Variants in HDAC9 observed in about 807,000 individuals in gnomAD.
The protein encoded by HDAC9 is histone deacetylase 9, also known as MEF-2 interacting transcription repressor (MITR) protein.
HDAC9 carries 41 observed loss-of-function variants against 139.4 expected under a neutral mutation model. That is an observed-to-expected ratio of 0.29 (90% confidence interval 0.23 to 0.38). HDAC9 has a LOEUF of 0.38. Among genes scored for constraint, HDAC9 ranks in the 10% least tolerant of loss-of-function variants. The pLI, the probability that HDAC9 is intolerant of heterozygous loss-of-function variation, is 1.00. For missense variants in HDAC9, 1,147 were observed against 1,297.0 expected, an observed-to-expected ratio of 0.88 and a Z score of 1.78; for synonymous variants, 517 against 476.2, an observed-to-expected ratio of 1.09 and a Z score of -1.12.
intron 1 of HDAC9, among the ~76,000 whole-genome samples, chr7:18,451,368 C>CGTGTGTGTGTGTGTGT (rs71553928): frequency 1.4e-5 from 2 of 138,800 alleles, no homozygotes; most frequent in South Asian, 2.5e-4. Flanking sequence ...TGTATATGTG[C>CGTGTGTGTGTGTGTGT]GTGTGTGTGT....
chr7:18,314,688 G>T (rs940673685), intron 1 of HDAC9, among the ~76,000 whole-genome samples: 1 of 152,118 alleles, frequency 6.6e-6, no homozygotes, highest in South Asian at 2.1e-4. Flanking sequence ...TTCTAGCTCC[G>T]TGAAACAAAA....
rs188362408 is a variant in HDAC9, at chr7:18,853,094, G to A, written c.2684+17097G>A. ...GTGGACTGAGGCTAGTCCCTGAGTCGGCCTGGCTCCGACTTTCCACCGAAG... is the reference window on the plus strand; with the variant it reads ...GTGGACTGAGGCTAGTCCCTGAGTCAGCCTGGCTCCGACTTTCCACCGAAG... On this transcript the variant is annotated intron_variant, in intron 21 of 25. Transcript: ENST00000686413. Among the ~76,000 whole-genome samples, 5 of 151,202 alleles carry A rather than the reference G, an allele frequency of 3.3e-5. No individual in the cohort carries two copies. The East Asian group carries it at 5.8e-4, about 18-fold the overall frequency.
chr7:18,307,358 T>C (rs992745012), intron 1 of HDAC9, among the ~76,000 whole-genome samples: 1 of 152,204 alleles, frequency 6.6e-6, no homozygotes, highest in Non-Finnish European at 1.5e-5. Context: ...GAGAATCATC[T>C]TGAACACATT....
intron 22 of HDAC9, among the ~76,000 whole-genome samples, chr7:18,928,354 T>C (rs1052912166): frequency 6.6e-6 from 1 of 152,230 alleles, no homozygotes; most frequent in African/African-American, 2.4e-5. Context: ...AAAAAGTTTA[T>C]ACAGTTCTGA....
chr7:18,410,962 C>G (rs893663399), intron 1 of HDAC9, among the ~76,000 whole-genome samples: 1 of 152,158 alleles, frequency 6.6e-6, no homozygotes, highest in Non-Finnish European at 1.5e-5. Context: ...GAATTATAAT[C>G]GTCAAGGAAG....
At chr7:18,210,286 T>A (rs1202516351) in intron 2 of HDAC9, among the ~76,000 whole-genome samples, 1 of 152,208 alleles carries the variant, frequency 6.6e-6, no homozygotes, top group Non-Finnish European at 1.5e-5. Context: ...GAATTTATAA[T>A]TAGATTGTTA....
At chr7:18,499,718 A>G (rs1013366220) in intron 2 of HDAC9, among the ~76,000 whole-genome samples, 2 of 152,204 alleles carry the variant, frequency 1.3e-5, no homozygotes, top group East Asian at 1.9e-4. Flanking sequence ...GAAGTAATGT[A>G]AGATATATTT....
chr7:18,118,654 G>A (rs1784171848), intron 1 of HDAC9, among the ~76,000 whole-genome samples: 1 of 152,134 alleles, frequency 6.6e-6, no homozygotes, highest in African/African-American at 2.4e-5. Context: ...TCAGATGGGT[G>A]ATATTATTAC....
chr7:18,370,590 A>G (rs577966053), intron 1 of HDAC9, among the ~76,000 whole-genome samples: 36 of 152,312 alleles, frequency 2.4e-4, no homozygotes, highest in African/African-American at 7.7e-4. Flanking sequence ...TCTGTAAATC[A>G]TAAGTGTGAG....
intron 1 of HDAC9, among the ~76,000 whole-genome samples, chr7:18,406,667 G>A (rs150432483): frequency 1.3e-3 from 201 of 152,290 alleles, no homozygotes; most frequent in African/African-American, 4.4e-3. Context: ...GGGATTACAG[G>A]TGTGAGCTGC....
chr7:18,759,173 C>T (rs1290477561), intron 14 of HDAC9, among the ~76,000 whole-genome samples: 2 of 152,042 alleles, frequency 1.3e-5, no homozygotes, highest in Non-Finnish European at 2.9e-5. Flanking sequence ...GTTGACTGAT[C>T]TTACACAAGG....
intron 11 of HDAC9, among the ~76,000 whole-genome samples, chr7:18,649,247 A>G (rs557476353): frequency 8.8e-4 from 134 of 152,282 alleles, no homozygotes; most frequent in African/African-American, 3.1e-3. Flanking sequence ...ACCGTACCAC[A>G]TCCTTAGGAG....
intron 2 of HDAC9, among the ~76,000 whole-genome samples, chr7:18,262,256 C>G: frequency 6.6e-6 from 1 of 152,170 alleles, no homozygotes; most frequent in East Asian, 1.9e-4. Flanking sequence ...AGTGACTTAT[C>G]TCACTTAAAA....
chr7:18,953,495 TC>T (rs1216802577), intron 23 of HDAC9, among the ~76,000 whole-genome samples: 1 of 152,088 alleles, frequency 6.6e-6, no homozygotes, highest in Non-Finnish European at 1.5e-5. Context: ...TTAGTGTAAT[TC>T]CAGAAGATTA....
Position 18,935,658 on chromosome 7 carries a change from C to A in HDAC9, c.2804-151C>A, listed in dbSNP as rs955199072. The A allele has an allele frequency of 3.8e-5, 26 of 683,554 alleles. No individual in the cohort carries two copies. In the South Asian group the frequency reaches 5.1e-4, roughly 14 times the overall value. The allele number at this position is 683,554 out of a possible 1,614,324, so 42.3% of individuals were successfully genotyped here. A position where few individuals can be genotyped will look rare whatever the true frequency, so the allele number is the denominator to read the frequency against. Reference sequence around the variant, plus strand: ...TGTAAAATAGAGATAATAATAGGACCTAATCCATAAAGTTATTTTAAGTAT... The same window carrying A: ...TGTAAAATAGAGATAATAATAGGACATAATCCATAAAGTTATTTTAAGTAT... On this transcript the variant is annotated intron_variant, in intron 22 of 25. Coordinates refer to ENST00000686413, the MANE Select transcript of HDAC9 (RefSeq NM_178425.4).
intron 12 of HDAC9, among the ~76,000 whole-genome samples, chr7:18,702,966 T>C (rs571340117): frequency 6.6e-6 from 1 of 152,234 alleles, no homozygotes; most frequent in Non-Finnish European, 1.5e-5. Flanking sequence ...ATGACAATTG[T>C]GTATTTTGAA....
At chr7:18,431,734 C>T (rs578073381) in intron 1 of HDAC9, among the ~76,000 whole-genome samples, 1 of 152,298 alleles carries the variant, frequency 6.6e-6, no homozygotes, top group East Asian at 1.9e-4. Flanking sequence ...TTATATGCTA[C>T]TTTCAATAAA....
At chr7:18,908,257 A>G (rs1802445995) in intron 22 of HDAC9, among the ~76,000 whole-genome samples, 1 of 152,110 alleles carries the variant, frequency 6.6e-6, no homozygotes, top group African/African-American at 2.4e-5. Flanking sequence ...ATTTTAATTG[A>G]CACATAATTG....
intron 13 of HDAC9, among the ~76,000 whole-genome samples, chr7:18,729,205 C>A (rs1032580968): frequency 3.9e-5 from 6 of 151,986 alleles, no homozygotes; most frequent in Non-Finnish European, 1.5e-5. Flanking sequence ...TTTTATTCAA[C>A]CCTAATATTT....
Sources: allele counts gnomAD v4.1 joint callset (sites outside exome capture counted in the v4.1 genomes callset), GRCh38; gene constraint gnomAD v4.1.1; transcripts MANE v1.5; gene names NCBI Gene and HGNC (gene_info 2026-07-23, HGNC 2026-07-21).